The following ADARB1 variants were observed in gnomAD, a reference collection of about 807,000 sequenced individuals.
ADARB1 encodes the protein adenosine deaminase RNA specific B1.
In ADARB1, 10 loss-of-function variants were observed where a neutral mutation model predicts 52.4. The observed-to-expected ratio is 0.19, with a 90% CI of 0.12 to 0.32. The LOEUF (loss-of-function observed/expected upper bound fraction) is 0.32, where lower values mean the gene tolerates loss of function less well. Ranked by LOEUF, ADARB1 falls within the 10% of genes least tolerant of loss-of-function variation. ADARB1 has a pLI of 1.00. For missense variants in ADARB1, 643 were observed against 922.3 expected (o/e 0.70, Z 3.92); for synonymous variants, 349 against 371.1 (o/e 0.94, Z 0.68).
chr21:45,216,007 G>A (rs943947916), intron 9 of ADARB1, among the ~76,000 whole-genome samples: 2 of 152,122 alleles, frequency 1.3e-5, no homozygotes. Context: ...TAGATTTAGG[G>A]CTATTCATGT....
rs2838820 is a variant in ADARB1 at position 45,226,090 on chromosome 21, T to C, written c.*3893T>C. 84,648 of 152,336 alleles carry C rather than the reference T, an allele frequency of 0.56. 23,706 individuals carry two copies. The highest frequency in any genetic ancestry group is 0.67 in the East Asian group (3,493 of 5,182). 9.4% of individuals were successfully genotyped at this position (152,336 alleles called of 1,614,324 possible). A position where few individuals can be genotyped will look rare whatever the true frequency, so the allele number is the denominator to read the frequency against. On this transcript the variant is annotated 3_prime_UTR_variant, in exon 11 of 11. Coordinates refer to ENST00000348831, the MANE Select transcript of ADARB1 (RefSeq NM_001112.4). ...TAGTTGTAAGGGTGTGTCGGCTTTTTCAGTCTCATGTGAAAATCCTCCTGT... is the reference window on the plus strand; with the variant it reads ...TAGTTGTAAGGGTGTGTCGGCTTTTCCAGTCTCATGTGAAAATCCTCCTGT...
At position 45,197,448 on chromosome 21, in the gene ADARB1, T is replaced by C. The variant is rs1181378896; in HGVS notation, c.1566-7107T>C. On this transcript the variant is annotated intron_variant, in intron 8 of 10. Coordinates refer to ENST00000348831, the MANE Select transcript of ADARB1 (RefSeq NM_001112.4). Reference sequence around the variant, plus strand: ...CTGGGAGGTAGAGGTTGTGGTGAGCTGAGATCACGCCACTGCGCTCCAGCC... The same window carrying C: ...CTGGGAGGTAGAGGTTGTGGTGAGCCGAGATCACGCCACTGCGCTCCAGCC... Among the ~76,000 whole-genome samples the C allele has an allele frequency of 8.0e-5, 12 of 149,204 alleles. No individual in the cohort carries two copies. The Admixed American group carries it at 8.1e-4, about 10-fold the overall frequency.
chr21:45,152,868 G>T (rs995970469), intron 2 of ADARB1, among the ~76,000 whole-genome samples: 5 of 151,970 alleles, frequency 3.3e-5, no homozygotes, highest in African/African-American at 7.3e-5. Flanking sequence ...GCATTTTATA[G>T]AATTTTAGAT....
chr21:45,101,574 T>C (rs760863370), intron 1 of ADARB1, among the ~76,000 whole-genome samples: 1 of 152,256 alleles, frequency 6.6e-6, no homozygotes, highest in Non-Finnish European at 1.5e-5. Context: ...ATTTACCTCC[T>C]GTACTGGAGT....
chr21:45,152,483 CT>C (rs1401530048), intron 2 of ADARB1: 4 of 237,934 alleles, frequency 1.7e-5, no homozygotes, highest in Non-Finnish European at 3.5e-5. Flanking sequence ...AGGAGGCTCC[CT>C]CGTCGGTAGG....
In ADARB1 at chr21:45,221,256, A is replaced by G. The variant is rs769101522; in HGVS notation, c.1926+242A>G. On this transcript the variant is annotated intron_variant, in intron 10 of 10. Coordinates refer to ENST00000348831, the MANE Select transcript of ADARB1 (RefSeq NM_001112.4). This position sits in a 1 kb window ranked among gnomAD's most constrained non-coding sequence, Gnocchi z 4.9. Reference sequence around the variant, plus strand: ...CTGCTGCAGGGTAACACCCACTGCCAGGCCACTGTGTGTGGTGGAAACGTC... The same window carrying G: ...CTGCTGCAGGGTAACACCCACTGCCGGGCCACTGTGTGTGGTGGAAACGTC... 2.0e-5 allele frequency among the ~76,000 whole-genome samples: 3 copies of G among 152,258 alleles called. No individual in the cohort carries two copies. The highest frequency in any genetic ancestry group is 4.4e-5 in the Non-Finnish European group (3 of 68,042).
intron 1 of ADARB1, among the ~76,000 whole-genome samples, chr21:45,097,326 T>C (rs2086806442): frequency 6.6e-6 from 1 of 152,190 alleles, no homozygotes; most frequent in African/African-American, 2.4e-5. Context: ...AACATGATTT[T>C]CGGGCTACTG....
At chr21:45,209,331 C>G (rs2092724034) in intron 9 of ADARB1, among the ~76,000 whole-genome samples, 2 of 152,176 alleles carry the variant, frequency 1.3e-5, no homozygotes. Context: ...TCTCTTCTAA[C>G]CAGTTTTCTG....
In ADARB1 at chr21:45,157,312, G is replaced by A. The variant is rs912439512; in HGVS notation, c.-47-14298G>A. 1.6e-4 allele frequency among the ~76,000 whole-genome samples: 25 copies of A among 152,352 alleles called. No homozygotes were observed. The highest frequency in any genetic ancestry group is 5.5e-4 in the African/African-American group (23 of 41,574). ...TTGAACAGTGCCAATTCTTAGTGCA[G>A]TTATAAGTGTTAATATTGAAAATAA... On this transcript the variant is annotated intron_variant, in intron 2 of 10. Coordinates refer to ENST00000348831, the MANE Select transcript of ADARB1 (RefSeq NM_001112.4). The surrounding 1 kb of genome is among the most constrained non-coding windows in gnomAD (Gnocchi z 4.1).
chr21:45,117,747 G>C (rs2087912761), intron 1 of ADARB1, among the ~76,000 whole-genome samples: 1 of 152,150 alleles, frequency 6.6e-6, no homozygotes, highest in Non-Finnish European at 1.5e-5. Context: ...AAAAATGGAA[G>C]TAATACCAGC....
Position 45,225,381 on chromosome 21 carries a change from A to C in ADARB1, c.*3184A>C. ...TCATCATCTTTTCCTATTTTGGAGA[A>C]TTTTTTGTAATTAAAAGCAATTATT... On this transcript the variant is annotated 3_prime_UTR_variant, in exon 11 of 11. Transcript: ENST00000348831. 7.9e-7 allele frequency: 1 copy of C among 1,264,246 alleles called. No individual in the cohort carries two copies. Among genetic ancestry groups the C allele is most frequent in the Non-Finnish European group, 1.0e-6 (1 of 1,003,526 alleles). 78.3% of individuals were successfully genotyped at this position (1,264,246 alleles called of 1,614,324 possible).
intron 1 of ADARB1, among the ~76,000 whole-genome samples, chr21:45,088,047 A>C (rs2086414761): frequency 1.3e-5 from 2 of 152,236 alleles, no homozygotes. Context: ...GGAAGATGGC[A>C]GAGGGAGGCC....
At chr21:45,185,353 C>T (rs1477293617) in intron 8 of ADARB1, among the ~76,000 whole-genome samples, 1 of 152,234 alleles carries the variant, frequency 6.6e-6, no homozygotes, top group Admixed American at 6.5e-5. Context: ...TTATTTTTAA[C>T]GTGGGCTTCT....
chr21:45,194,299 A>C (rs1228790624), intron 8 of ADARB1, among the ~76,000 whole-genome samples: 3 of 152,202 alleles, frequency 2.0e-5, no homozygotes, highest in African/African-American at 7.2e-5. Context: ...CCCAAAGCCC[A>C]CAGTTTACAA....
At chr21:45,098,253 A>AC (rs2086849873) in intron 1 of ADARB1, among the ~76,000 whole-genome samples, 1 of 149,948 alleles carries the variant, frequency 6.7e-6, no homozygotes, top group South Asian at 2.1e-4. Context: ...GCTGTGCTTG[A>AC]CCCGGCTCCC....
Position 45,125,005 on chromosome 21 carries a change from C to T in ADARB1, c.-219-3397C>T, listed in dbSNP as rs576215520. Among the ~76,000 whole-genome samples, 21 of 150,760 alleles carry T rather than the reference C, an allele frequency of 1.4e-4. No individual in the cohort carries two copies. In the South Asian group the frequency reaches 4.4e-3, roughly 32 times the overall value. On this transcript the variant is annotated intron_variant, in intron 1 of 10. Transcript: ENST00000348831. Reference sequence around the variant, plus strand: ...GTACAGATGGTTTTGCTATGTTGCTCAGGCTTGTCTTGAACTCCTGGGCTC... The same window carrying T: ...GTACAGATGGTTTTGCTATGTTGCTTAGGCTTGTCTTGAACTCCTGGGCTC...
intron 1 of ADARB1, among the ~76,000 whole-genome samples, chr21:45,121,175 G>A (rs973259108): frequency 2.0e-5 from 3 of 152,156 alleles, no homozygotes; most frequent in Non-Finnish European, 2.9e-5. Flanking sequence ...GGAACGGTAT[G>A]TGTAAGCTTT....
intron 6 of ADARB1, 146 bp from the exon 7 acceptor site, chr21:45,183,216 G>A (rs538218440): frequency 1.3e-6 from 1 of 765,358 alleles, no homozygotes; most frequent in African/African-American, 1.8e-5. Context: ...GACAAGAACT[G>A]TATTAATTAC....
chr21:45,205,397 C>T (rs1177479525), intron 9 of ADARB1, among the ~76,000 whole-genome samples: 1 of 152,246 alleles, frequency 6.6e-6, no homozygotes, highest in Admixed American at 6.5e-5. Flanking sequence ...TCAACAGACA[C>T]TGAAAATTAT....
Sources: gnomAD v4.1 joint callset for allele counts (sites outside exome capture counted in the v4.1 genomes callset) on GRCh38, gnomAD v4.1.1 for gene constraint, Gnocchi (gnomAD v3.1) non-coding constraint, MANE v1.5 for transcripts, NCBI Gene and HGNC (gene_info 2026-07-23, HGNC 2026-07-21) for gene names.